The following IFT81 variants were observed in gnomAD, a reference collection of about 807,000 sequenced individuals.
IFT81 encodes intraflagellar transport 81, also known as intraflagellar transport protein 81 homolog.
IFT81 carries 72 observed loss-of-function variants against 102.6 expected under a neutral mutation model. The ratio of observed to expected loss-of-function variants is 0.70; its 90% CI spans 0.58 to 0.85. The LOEUF is 0.85. IFT81 is among the 40% of genes least tolerant of loss of function. IFT81 has a pLI of 0.00. For synonymous variants in IFT81, 237 were observed against 242.7 expected, an observed-to-expected ratio of 0.98 and a Z score of 0.22; for missense variants, 723 against 787.3, an observed-to-expected ratio of 0.92 and a Z score of 0.98.
chr12:110,190,545 C>A (rs1194080346), intron 12 of IFT81, among the ~76,000 whole-genome samples: 2 of 151,990 alleles, frequency 1.3e-5, no homozygotes, highest in Non-Finnish European at 2.9e-5. Context: ...ATACCTGGTG[C>A]CTAGAACTGT....
rs1303363581 is a variant in IFT81, at chr12:110,178,126, A to G, written c.1189-2296A>G. ...AAAAAAAATTGGAAGGAAAAATATCAATGTGGGCTGGGCACAGTTGCTCAT... is the reference window on the plus strand; with the variant it reads ...AAAAAAAATTGGAAGGAAAAATATCGATGTGGGCTGGGCACAGTTGCTCAT... On this transcript the variant is annotated intron_variant, in intron 11 of 18. Coordinates refer to ENST00000242591, the MANE Select transcript of IFT81 (RefSeq NM_014055.4). Among the ~76,000 whole-genome samples, 7 of 149,006 alleles carry G rather than the reference A, an allele frequency of 4.7e-5. No homozygotes were observed. The East Asian group carries it at 1.4e-3, about 29-fold the overall frequency.
chr12:110,205,052 G>A lies in IFT81; in HGVS notation c.1645-391G>A, dbSNP rs371438989. ...AGTTCGAGATCAGCCTGGCCAACCC[G>A]GTGAAACCCTGTCTCTACTAAAAAT... is the stretch of plus-strand genomic sequence containing the variant. On this transcript the variant is annotated intron_variant, in intron 15 of 18. Transcript: ENST00000242591. 9.5e-4 allele frequency: 148 copies of A among 156,602 alleles called. 1 individual carries two copies. In the South Asian group the frequency reaches 0.025, roughly 26 times the overall value. 9.7% of individuals were successfully genotyped at this position (156,602 alleles called of 1,614,324 possible). A position where few individuals can be genotyped will look rare whatever the true frequency, so the allele number is the denominator to read the frequency against.
At chr12:110,200,482 G>A (rs1444679701) in intron 14 of IFT81, among the ~76,000 whole-genome samples, 1 of 152,116 alleles carries the variant, frequency 6.6e-6, no homozygotes, top group Non-Finnish European at 1.5e-5. Context: ...TACCATGAAT[G>A]GAGCTTGCAG....
chr12:110,192,240 A>G (rs535431755), intron 13 of IFT81, among the ~76,000 whole-genome samples: 4 of 151,642 alleles, frequency 2.6e-5, no homozygotes, highest in Admixed American at 2.0e-4. Context: ...TACTTATGCT[A>G]TTTGGACTAT....
chr12:110,154,661 A>G (rs1408366348), intron 10 of IFT81, among the ~76,000 whole-genome samples: 2 of 152,034 alleles, frequency 1.3e-5, no homozygotes, highest in Non-Finnish European at 2.9e-5. Flanking sequence ...GAAAGAAAGA[A>G]AAAAATGTAT....
At chr12:110,125,977 T>G (rs752329390) in intron 1 of IFT81, among the ~76,000 whole-genome samples, 3 of 152,096 alleles carry the variant, frequency 2.0e-5, no homozygotes, top group Non-Finnish European at 4.4e-5. Context: ...GATGCGTACC[T>G]AAAGAACTAG....
chr12:110,164,816 C>G (rs757259871), intron 11 of IFT81, among the ~76,000 whole-genome samples: 1 of 152,112 alleles, frequency 6.6e-6, no homozygotes, highest in Non-Finnish European at 1.5e-5. Context: ...GACATCTTTG[C>G]TGTCTAGAGA....
chr12:110,173,976 AG>A (rs921070395), intron 11 of IFT81, among the ~76,000 whole-genome samples: 2 of 151,776 alleles, frequency 1.3e-5, no homozygotes, highest in African/African-American at 4.8e-5. Flanking sequence ...AAAAAAAGAA[AG>A]AAAAAAAAAG....
rs1193574981 is a variant in IFT81 at position 110,218,041 on chromosome 12, T to A, written c.1849-3T>A. 2 of 1,588,814 alleles carry A rather than the reference T, an allele frequency of 1.3e-6. No homozygotes were observed. Among genetic ancestry groups the A allele is most frequent in the Non-Finnish European group, 8.6e-7 (1 of 1,168,066 alleles). On this transcript the variant is annotated splice_region_variant and splice_polypyrimidine_tract_variant and intron_variant, in intron 18 of 18. Transcript: ENST00000242591. The stretch of plus-strand genomic sequence containing the variant: ...AATTATTCTTGTTTTTTTTTAATGA[T>A]AGAAACTTCGGGAAAAACAAAAAGT...
intron 18 of IFT81, 149 bp downstream of exon 18, chr12:110,209,365 C>T (rs577032228): frequency 1.6e-4 from 70 of 428,362 alleles, no homozygotes; most frequent in African/African-American, 1.4e-3. Flanking sequence ...GGAAGACTTC[C>T]TTAAGAATTT....
At chr12:110,136,189 C>T (rs142334788) in intron 7 of IFT81, among the ~76,000 whole-genome samples, 1 of 152,128 alleles carries the variant, frequency 6.6e-6, no homozygotes, top group Admixed American at 6.5e-5. Flanking sequence ...TGTTTTTAAA[C>T]TTTGCCTTAA....
chr12:110,197,686 G>A (rs561411122), intron 14 of IFT81, among the ~76,000 whole-genome samples: 33 of 150,340 alleles, frequency 2.2e-4, no homozygotes, highest in African/African-American at 4.9e-4. Context: ...GTTATCCTCC[G>A]GCATTTTTTT....
chr12:110,209,763 C>T (rs1452442863), intron 18 of IFT81, among the ~76,000 whole-genome samples: 1 of 135,168 alleles, frequency 7.4e-6, no homozygotes, highest in Non-Finnish European at 1.5e-5. Flanking sequence ...AGCGATACTC[C>T]ATCTCAAAAA....
At chr12:110,204,055 A>G in intron 15 of IFT81, 105 bp downstream of exon 15, 2 of 695,422 alleles carry the variant, frequency 2.9e-6, no homozygotes, top group Non-Finnish European at 2.5e-6. Context: ...GCTTGAGCCT[A>G]GGAGTTTGAG....
chr12:110,177,468 GGGAC>G (rs1349358185), intron 11 of IFT81, among the ~76,000 whole-genome samples: 3 of 152,106 alleles, frequency 2.0e-5, no homozygotes, highest in Non-Finnish European at 2.9e-5. Flanking sequence ...ATTTTTAGTA[GGGAC>G]GGAGTTTGGC....
chr12:110,133,459 G>GAAA (rs10710074), intron 5 of IFT81, among the ~76,000 whole-genome samples: 1 of 133,354 alleles, frequency 7.5e-6, no homozygotes, highest in Non-Finnish European at 1.6e-5. Context: ...TCTGTCTCCA[G>GAAA]AAAAAAAAAA....
At chr12:110,163,443 G>A (rs1380037995) in intron 11 of IFT81, among the ~76,000 whole-genome samples, 1 of 151,968 alleles carries the variant, frequency 6.6e-6, no homozygotes, top group East Asian at 1.9e-4. Context: ...GTTTTACCAT[G>A]TTGGCCAGGC....
intron 3 of IFT81, among the ~76,000 whole-genome samples, 167 bp from the exon 4 acceptor site, chr12:110,128,782 GT>G: frequency 1.2e-5 from 1 of 80,636 alleles, no homozygotes; most frequent in Admixed American, 1.8e-4. Flanking sequence ...GTGAGACCCT[GT>G]CTCAAAAAAA....
At chr12:110,163,763 A>T (rs1896286968) in intron 11 of IFT81, among the ~76,000 whole-genome samples, 1 of 151,358 alleles carries the variant, frequency 6.6e-6, no homozygotes, top group Non-Finnish European at 1.5e-5. Context: ...TTACAGGTGG[A>T]CGTCACCAGG....
Sources: allele counts gnomAD v4.1 joint callset (sites outside exome capture counted in the v4.1 genomes callset), GRCh38; gene constraint gnomAD v4.1.1; transcripts MANE v1.5; gene names NCBI Gene and HGNC (gene_info 2026-07-23, HGNC 2026-07-21).